BCKDHB: variants seen among roughly 807,000 people sequenced by gnomAD.
The protein encoded by BCKDHB is 2-oxoisovalerate dehydrogenase subunit beta, mitochondrial.
BCKDHB carries 41 observed loss-of-function variants against 48.5 expected under a neutral mutation model. The ratio of observed to expected loss-of-function variants is 0.85; its 90% CI spans 0.66 to 1.10. The LOEUF is 1.10. Among genes scored for constraint, BCKDHB ranks in the 50% least tolerant of loss-of-function variants. BCKDHB has a pLI of 0.00. For missense variants in BCKDHB, 496 were observed against 494.2 expected (o/e 1.00, Z -0.03); for synonymous variants, 201 against 174.8 (o/e 1.15, Z -1.18).
At chr6:80,419,808 A>C in the BCKDHB span, among the ~76,000 whole-genome samples, 1 of 152,166 alleles carries the variant, frequency 6.6e-6, no homozygotes, top group South Asian at 2.1e-4. Flanking sequence ...AACGGTTCCC[A>C]GCTTTCCTTT....
intron 9 of BCKDHB, among the ~76,000 whole-genome samples, chr6:80,309,595 G>GTTTC (rs1562220713): frequency 6.6e-6 from 1 of 152,076 alleles, no homozygotes; most frequent in African/African-American, 2.4e-5. Context: ...TTGTTTGTTT[G>GTTTC]TTTGTTTGTT....
At chr6:80,430,276 A>G in the BCKDHB span, among the ~76,000 whole-genome samples, 2 of 152,118 alleles carry the variant, frequency 1.3e-5, no homozygotes, top group South Asian at 4.1e-4. Context: ...CCAGTATTTT[A>G]TTGAGGATTT....
Position 80,326,821 on chromosome 6 carries a change from G to A in BCKDHB, c.1039-16843G>A, listed in dbSNP as rs564448492. Reference sequence around the variant, plus strand: ...GCAGAAGTTGCTGTGAGCTGAGATCGCACCACTGGACTCCAGCTTGGGCAA... The same window carrying A: ...GCAGAAGTTGCTGTGAGCTGAGATCACACCACTGGACTCCAGCTTGGGCAA... On this transcript the variant is annotated intron_variant, in intron 9 of 9. Coordinates refer to ENST00000320393, the MANE Select transcript of BCKDHB (RefSeq NM_183050.4). Among the ~76,000 whole-genome samples the A allele has an allele frequency of 5.3e-5, 8 of 152,120 alleles. 1 individual carries two copies. The South Asian group carries it at 1.2e-3, about 24-fold the overall frequency.
chr6:80,262,500 C>T (rs1292068328), intron 8 of BCKDHB, among the ~76,000 whole-genome samples: 1 of 152,016 alleles, frequency 6.6e-6, no homozygotes, highest in African/African-American at 2.4e-5. Context: ...TAGCTTTTGG[C>T]AAATATATTC....
chr6:80,356,384 T>G, the BCKDHB span: 2 of 152,200 alleles, frequency 1.3e-5, no homozygotes, highest in African/African-American at 4.8e-5. Context: ...TAATATGGTA[T>G]AGCTGTGGTT....
intron 8 of BCKDHB, among the ~76,000 whole-genome samples, chr6:80,228,680 TG>T (rs1257092569): frequency 6.6e-6 from 1 of 152,090 alleles, no homozygotes; most frequent in Admixed American, 6.6e-5. Context: ...TAGGTGGGCT[TG>T]GGGTGGGGGG....
chr6:80,313,865 G>A (rs1768298410), intron 9 of BCKDHB, among the ~76,000 whole-genome samples: 1 of 152,040 alleles, frequency 6.6e-6, no homozygotes, highest in Non-Finnish European at 1.5e-5. Flanking sequence ...ATGTTAGCTT[G>A]TTAACCTGAG....
the BCKDHB span, among the ~76,000 whole-genome samples, chr6:80,457,240 G>A: frequency 1.2e-4 from 18 of 152,310 alleles, no homozygotes; most frequent in African/African-American, 4.3e-4. Context: ...CTTGGCACAC[G>A]TGAGTAGGAC....
intron 8 of BCKDHB, among the ~76,000 whole-genome samples, chr6:80,210,964 T>C (rs1582365332): frequency 6.6e-6 from 1 of 152,248 alleles, no homozygotes; most frequent in South Asian, 2.1e-4. Flanking sequence ...GCTGTTGAGG[T>C]GCTGTCAAGC....
intron 6 of BCKDHB, among the ~76,000 whole-genome samples, chr6:80,182,009 G>T (rs554260364): frequency 1.3e-5 from 2 of 151,990 alleles, no homozygotes; most frequent in Non-Finnish European, 2.9e-5. Flanking sequence ...ACTTTTAAAC[G>T]TATATTATTA....
chr6:80,289,328 TAGTG>T (rs1368591502), intron 9 of BCKDHB, among the ~76,000 whole-genome samples: 2 of 152,062 alleles, frequency 1.3e-5, no homozygotes, highest in Admixed American at 6.6e-5. Context: ...TTCTTTGAAA[TAGTG>T]AGACTGCCAA....
chr6:80,155,838 TG>T (rs1254703121), intron 3 of BCKDHB, among the ~76,000 whole-genome samples: 27 of 146,214 alleles, frequency 1.8e-4, no homozygotes, highest in East Asian at 5.8e-4. Flanking sequence ...AATGCAAAGT[TG>T]TTTTTTTTTT....
the BCKDHB span, among the ~76,000 whole-genome samples, chr6:80,365,853 C>T: frequency 4.7e-4 from 72 of 152,166 alleles, 1 homozygote; most frequent in African/African-American, 1.2e-4. Context: ...TGGCTCCAGC[C>T]GGTCCCTCCA....
intron 9 of BCKDHB, among the ~76,000 whole-genome samples, chr6:80,288,273 AG>A (rs1766724790): frequency 6.6e-6 from 1 of 152,156 alleles, no homozygotes; most frequent in South Asian, 2.1e-4. Context: ...TAATTGCTAA[AG>A]GGGCAAATTA....
intron 8 of BCKDHB, among the ~76,000 whole-genome samples, chr6:80,267,797 A>T (rs930465547): frequency 6.6e-6 from 1 of 152,082 alleles, no homozygotes; most frequent in Non-Finnish European, 1.5e-5. Context: ...ATGTACAAAA[A>T]TTTCCCAAAT....
intron 8 of BCKDHB, among the ~76,000 whole-genome samples, chr6:80,246,808 G>C (rs905691414): frequency 1.3e-5 from 2 of 151,826 alleles, no homozygotes; most frequent in African/African-American, 4.8e-5. Flanking sequence ...CTTCTGTCCA[G>C]CCCCATGCTG....
the BCKDHB span, among the ~76,000 whole-genome samples, chr6:80,375,788 A>G: frequency 6.6e-6 from 1 of 152,180 alleles, no homozygotes; most frequent in Non-Finnish European, 1.5e-5. Context: ...ACTATGACAG[A>G]GGGAAGATCT....
the BCKDHB span, among the ~76,000 whole-genome samples, chr6:80,369,542 C>T: frequency 1.3e-5 from 2 of 152,198 alleles, no homozygotes; most frequent in Admixed American, 6.5e-5. Flanking sequence ...TTTTATGAGA[C>T]TCTCTAGGTC....
Position 80,343,694 on chromosome 6 carries a change from A to G in BCKDHB, c.1069A>G (p.Ile357Val), listed in dbSNP as rs777205873. ...ATGTTTCTTGAACCTAGAGGCTCCT[A>G]TATCAAGAGTATGTGGTTATGACAC... Reference protein sequence around the residue: ...EECFLNLEAPISRVCGYDTPF... With the variant: ...EECFLNLEAPVSRVCGYDTPF... The change falls in exon 10 of 10, where the codon ATA (isoleucine) becomes GTA (valine). Residue 357 changes from isoleucine to valine, a missense_variant. Ile to Val is a conservative substitution (Grantham distance 29). Coordinates refer to ENST00000320393, the MANE Select transcript of BCKDHB (RefSeq NM_183050.4). 3.1e-6 allele frequency: 5 copies of G among 1,614,056 alleles called. No homozygotes were observed. Among genetic ancestry groups the G allele is most frequent in the South Asian group, 1.1e-5 (1 of 91,084 alleles).
Sources: gnomAD v4.1 joint callset for allele counts (sites outside exome capture counted in the v4.1 genomes callset) on GRCh38, gnomAD v4.1.1 for gene constraint, MANE v1.5 for transcripts, NCBI Gene and HGNC (gene_info 2026-07-23, HGNC 2026-07-21) for gene names.